The following RGMB variants were observed in gnomAD, a reference collection of about 807,000 sequenced individuals.
RGMB encodes repulsive guidance molecule BMP co-receptor b.
RGMB carries 16 observed loss-of-function variants against 26.9 expected under a neutral mutation model. That is an observed-to-expected ratio of 0.60 (90% confidence interval 0.40 to 0.90). RGMB has a LOEUF of 0.90. Among genes scored for constraint, RGMB ranks in the 40% least tolerant of loss-of-function variants. The pLI, the probability that RGMB is intolerant of heterozygous loss-of-function variation, is 0.00. For missense variants in RGMB, 512 were observed against 573.3 expected, an observed-to-expected ratio of 0.89 and a Z score of 1.09; for synonymous variants, 225 against 229.3, an observed-to-expected ratio of 0.98 and a Z score of 0.17.
At chr5:98,790,135 A>G (rs1746883340) in intron 2 of RGMB, among the ~76,000 whole-genome samples, 1 of 152,256 alleles carries the variant, frequency 6.6e-6, no homozygotes, top group Non-Finnish European at 1.5e-5. Context: ...AAAGTGCATT[A>G]TAAAACTTAA....
chr5:98,776,825 G>A (rs765909185), intron 1 of RGMB, among the ~76,000 whole-genome samples: 2 of 152,242 alleles, frequency 1.3e-5, no homozygotes, highest in Non-Finnish European at 2.9e-5. Flanking sequence ...TGTGGCTCAC[G>A]CCTGTAATCC....
Position 98,779,627 on chromosome 5 carries a change from G to C in RGMB, c.184G>C (p.Asp62His). 1 of 1,533,162 alleles carries C rather than the reference G, an allele frequency of 6.5e-7. No individual in the cohort carries two copies. Among genetic ancestry groups the C allele is most frequent in the Non-Finnish European group, 8.8e-7 (1 of 1,138,508 alleles). 95.0% of individuals were successfully genotyped at this position (1,533,162 alleles called of 1,614,324 possible). The part of the protein sequence containing the change: ...AQCRIQKCTT[D>H]FVSLTSHLNS... ...ATGTCGAATCCAGAAATGCACCACG[G>C]ACTTCGTGTCCCTGACTTCTCACCT... is the stretch of plus-strand genomic sequence containing the variant. The change falls in exon 2 of 3, where the codon GAC becomes CAC. Residue 62 changes from aspartate to histidine, a missense_variant. Physicochemically the swap from Asp to His is moderately conservative, Grantham distance 81 (BLOSUM62 -1). Coordinates refer to ENST00000513185, the MANE Select transcript of RGMB (RefSeq NM_001366508.1).
chr5:98,777,883 T>C (rs990977352), intron 1 of RGMB, among the ~76,000 whole-genome samples: 31 of 152,170 alleles, frequency 2.0e-4, no homozygotes, highest in African/African-American at 6.8e-4. Context: ...TATTAAAATG[T>C]TTTAATCTTT....
upstream of RGMB, chr5:98,771,302 T>C (rs1410805446): frequency 2.6e-5 from 4 of 152,216 alleles, no homozygotes; most frequent in Admixed American, 1.3e-4. Context: ...ATAAAACTTT[T>C]ATAAGTCACC....
chr5:98,773,818 C>T lies in RGMB; in HGVS notation c.-253C>T. 2.2e-6 allele frequency: 1 copy of T among 463,882 alleles called. No homozygotes were observed. Among genetic ancestry groups the T allele is most frequent in the South Asian group, 4.2e-5 (1 of 24,016 alleles). 28.7% of individuals were successfully genotyped at this position (463,882 alleles called of 1,614,324 possible). On this transcript the variant is annotated 5_prime_UTR_variant, in exon 1 of 3. Transcript: ENST00000513185. ...CACGGTCTTTGTGTCTTCTCTTCCG[C>T]CCCTTTCCCTGCCTGCCGCCTCCGG... is the stretch of plus-strand genomic sequence containing the variant.
At position 98,774,038 on chromosome 5, in the gene RGMB, T is replaced by A. The variant is rs545918583; in HGVS notation, c.-33T>A. ...CGCCACGGCGCCCGCGCCGCCGCCC[T>A]CGCCGGAGCCCACGAGACCTGCATG... On this transcript the variant is annotated 5_prime_UTR_variant, in exon 1 of 3. Coordinates refer to ENST00000513185, the MANE Select transcript of RGMB (RefSeq NM_001366508.1). 10 of 761,132 alleles carry A rather than the reference T, an allele frequency of 1.3e-5. No homozygotes were observed. In the African/African-American group the frequency reaches 1.5e-4, roughly 11 times the overall value. The allele number at this position is 761,132 out of a possible 1,614,324, so 47.1% of individuals were successfully genotyped here. A position where few individuals can be genotyped will look rare whatever the true frequency, so the allele number is the denominator to read the frequency against.
intron 2 of RGMB, 131 bp from the exon 3 acceptor site, chr5:98,792,954 G>A: frequency 1.6e-6 from 1 of 629,280 alleles, no homozygotes; most frequent in Non-Finnish European, 2.7e-6. Context: ...GGTGCAAGCA[G>A]TTGGGTCCAT....
chr5:98,779,657 T>G lies in RGMB; in HGVS notation c.214T>G (p.Ser72Ala). The G allele has an allele frequency of 6.4e-7, 1 of 1,567,246 alleles. No individual in the cohort carries two copies. The highest frequency in any genetic ancestry group is 1.2e-5 in the South Asian group (1 of 82,754). ...CGTGTCCCTGACTTCTCACCTGAAC[T>G]CTGCCGTTGACGGCTTTGACTCTGA... ...DFVSLTSHLN[S>A]AVDGFDSEFC... Residue 72 changes from serine to alanine, a missense_variant, in exon 2 of 3, where the codon TCT (serine) becomes GCT (alanine). Ser to Ala is a moderately conservative substitution (Grantham distance 99, BLOSUM62 1). Coordinates refer to ENST00000513185, the MANE Select transcript of RGMB (RefSeq NM_001366508.1).
In RGMB at chr5:98,773,954, A is replaced by G. The variant is rs772412149; in HGVS notation, c.-117A>G. 1.6e-6 allele frequency: 1 copy of G among 620,182 alleles called. No individual in the cohort carries two copies. Among genetic ancestry groups the G allele is most frequent in the Non-Finnish European group, 2.9e-6 (1 of 343,610 alleles). 38.4% of individuals were successfully genotyped at this position (620,182 alleles called of 1,614,324 possible). ...CCCATCTGCTACACGGGCCTGAAGA[A>G]GGAAGAAGAGGAAGCGAAGCGCGCC... On this transcript the variant is annotated 5_prime_UTR_variant, in exon 1 of 3. Coordinates refer to ENST00000513185, the MANE Select transcript of RGMB (RefSeq NM_001366508.1).
At chr5:98,792,490 T>C (rs191958083) in intron 2 of RGMB, among the ~76,000 whole-genome samples, 1 of 152,212 alleles carries the variant, frequency 6.6e-6, no homozygotes, top group Non-Finnish European at 1.5e-5. Context: ...TCCCAGCACT[T>C]TGGGAGATGA....
chr5:98,784,622 A>G (rs1580285090), intron 2 of RGMB, among the ~76,000 whole-genome samples: 1 of 152,236 alleles, frequency 6.6e-6, no homozygotes, highest in African/African-American at 2.4e-5. Flanking sequence ...CTGCATTGCA[A>G]CAGCTTTCAG....
upstream of RGMB, chr5:98,770,456 G>A (rs958345968): frequency 9.5e-6 from 4 of 422,402 alleles, no homozygotes; most frequent in Non-Finnish European, 1.7e-5. Context: ...GTTTTGAGCG[G>A]TGAGAGCAGC....
At chr5:98,782,059 T>C (rs6895731) in intron 2 of RGMB, among the ~76,000 whole-genome samples, 3,361 of 152,348 alleles carry the variant, frequency 0.022, 128 homozygotes, top group African/African-American at 0.077. Context: ...TGCTTGGTCT[T>C]TAATTGCACT....
intron 2 of RGMB, among the ~76,000 whole-genome samples, chr5:98,788,113 A>G (rs1304100333): frequency 6.6e-6 from 1 of 152,202 alleles, no homozygotes; most frequent in African/African-American, 2.4e-5. Context: ...GTGGAAAAAG[A>G]CATGAGGATA....
chr5:98,788,660 C>T lies in RGMB; in HGVS notation c.646-4425C>T, dbSNP rs1746834912. 2.0e-5 allele frequency among the ~76,000 whole-genome samples: 3 copies of T among 152,286 alleles called. No individual in the cohort carries two copies. In the South Asian group the frequency reaches 6.2e-4, roughly 32 times the overall value. ...GAGTACCTCTGCTCTGGCCAAAATCCACACTTCAGAATTACCCTGGCGGGT... is the reference window on the plus strand; with the variant it reads ...GAGTACCTCTGCTCTGGCCAAAATCTACACTTCAGAATTACCCTGGCGGGT... On this transcript the variant is annotated intron_variant, in intron 2 of 2. Transcript: ENST00000513185.
intron 2 of RGMB, among the ~76,000 whole-genome samples, chr5:98,782,651 C>G (rs1160414058): frequency 6.6e-6 from 1 of 152,196 alleles, no homozygotes; most frequent in Non-Finnish European, 1.5e-5. Context: ...ATGTCATTGG[C>G]TAGCTGGCCA....
At position 98,774,155 on chromosome 5, in the gene RGMB, C is replaced by A. The variant is rs926058865; in HGVS notation, c.85C>A (p.Pro29Thr). ...CCGCAGCCCCGGGCTCTGCCCCCCG[C>A]CGCTGGAGCTGCTGCTGCTGCTGCT... The part of the protein sequence containing the change: ...QRRSPGLCPP[P>T]LELLLLLLFS... The change falls in exon 1 of 3, where the codon CCG (proline) becomes ACG (threonine). Residue 29 changes from proline (P) to threonine (T), a missense_variant. Transcript: ENST00000513185. The A allele has an allele frequency of 6.0e-6, 9 of 1,498,006 alleles. No homozygotes were observed. The highest frequency in any genetic ancestry group is 8.0e-6 in the Non-Finnish European group (9 of 1,130,052). The allele number at this position is 1,498,006 out of a possible 1,614,324, so 92.8% of individuals were successfully genotyped here. A position where few individuals can be genotyped will look rare whatever the true frequency, so the allele number is the denominator to read the frequency against.
At position 98,783,051 on chromosome 5, in the gene RGMB, G is replaced by A. The variant is rs142000118; in HGVS notation, c.645+2963G>A. On this transcript the variant is annotated intron_variant, in intron 2 of 2. Transcript: ENST00000513185. ...GTCTACTGTTTTCTTCCCCACCATG[G>A]CCCTCTCCTCCCCTTCCTTGGGAAA... Among the ~76,000 whole-genome samples, 210 of 152,236 alleles carry A rather than the reference G, an allele frequency of 1.4e-3. 5 individuals carry two copies. Among genetic ancestry groups the A allele is most frequent in the Admixed American group, 0.011 (163 of 15,288 alleles).
At chr5:98,785,739 T>C (rs1472692192) in intron 2 of RGMB, among the ~76,000 whole-genome samples, 1 of 152,208 alleles carries the variant, frequency 6.6e-6, no homozygotes, top group Non-Finnish European at 1.5e-5. Flanking sequence ...TAAAAGCATA[T>C]GTTAGCTATT....
Sources: gnomAD v4.1 joint callset for allele counts (sites outside exome capture counted in the v4.1 genomes callset) on GRCh38, gnomAD v4.1.1 for gene constraint, MANE v1.5 for transcripts, NCBI Gene and HGNC (gene_info 2026-07-23, HGNC 2026-07-21) for gene names.